Variants in CACNA1B observed in about 807,000 individuals in gnomAD.
The protein encoded by CACNA1B is calcium voltage-gated channel subunit alpha1 B.
In CACNA1B, 70 loss-of-function variants were observed where a neutral mutation model predicts 247.2. The ratio of observed to expected loss-of-function variants is 0.28; its 90% CI spans 0.23 to 0.35. The LOEUF is 0.35. Ranked by LOEUF, CACNA1B falls within the 10% of genes least tolerant of loss-of-function variation. The pLI is 1.00. For synonymous variants in CACNA1B, 1,231 were observed against 1,294.4 expected, an observed-to-expected ratio of 0.95 and a Z score of 1.05; for missense variants, 2,367 against 3,197.4, an observed-to-expected ratio of 0.74 and a Z score of 6.26.
Position 137,950,681 on chromosome 9 carries a change from T to A in CACNA1B, c.967-1593T>A, listed in dbSNP as rs1265829006. Among the ~76,000 whole-genome samples, 1 of 152,164 alleles carries A rather than the reference T, an allele frequency of 6.6e-6. No homozygotes were observed. Among genetic ancestry groups the A allele is most frequent in the Non-Finnish European group, 1.5e-5 (1 of 68,028 alleles). The stretch of plus-strand genomic sequence containing the variant: ...TGGCTTTTGCTGGTACTTTTTTTGG[T>A]CGTCTGTGCCCCTTGGGCATTTCCA... On this transcript the variant is annotated intron_variant, in intron 6 of 46. Coordinates refer to ENST00000371372, the MANE Select transcript of CACNA1B (RefSeq NM_000718.4). The surrounding 1 kb of genome is among the most constrained non-coding windows in gnomAD (Gnocchi z 4.8).
In CACNA1B at chr9:138,124,565, A is replaced by G. The variant is rs1190343950; in HGVS notation, c.*2566A>G. 1.3e-5 allele frequency: 2 copies of G among 152,252 alleles called. No homozygotes were observed. The highest frequency in any genetic ancestry group is 2.9e-5 in the Non-Finnish European group (2 of 68,048). The allele number at this position is 152,252 out of a possible 1,614,324, so 9.4% of individuals were successfully genotyped here. On this transcript the variant is annotated 3_prime_UTR_variant, in exon 47 of 47. Coordinates refer to ENST00000371372, the MANE Select transcript of CACNA1B (RefSeq NM_000718.4). ...TGTTGTTTCTACAATGACATTTTGT[A>G]TGAAGCAAAGTCCTTGAATTAAAAT... is the stretch of plus-strand genomic sequence containing the variant.
intron 42 of CACNA1B, 75 bp downstream of exon 42, chr9:138,115,754 T>C (rs1195748746): frequency 6.8e-7 from 1 of 1,460,748 alleles, no homozygotes; most frequent in Non-Finnish European, 9.4e-7. Context: ...AGACATCCCA[T>C]TTCCTCAACC....
chr9:138,121,713 G>A lies in CACNA1B; in HGVS notation c.6734G>A (p.Ser2245Asn). 5 of 1,613,264 alleles carry A rather than the reference G, an allele frequency of 3.1e-6. No individual in the cohort carries two copies. Among genetic ancestry groups the A allele is most frequent in the Non-Finnish European group, 4.2e-6 (5 of 1,179,828 alleles). ...GCCCTGCTGCAGAGAGACCCCCTCA[G>A]CCAGCCCCTGGCCCCTGGCTCTCGA... Reference protein sequence around the residue: ...HNALLQRDPLSQPLAPGSRIG... With the variant: ...HNALLQRDPLNQPLAPGSRIG... Residue 2245 changes from serine (S) to asparagine (N), a missense_variant, in exon 47 of 47, where the codon AGC (serine) becomes AAC (asparagine). Physicochemically the swap from Ser to Asn is conservative, Grantham distance 46. This residue lies in a region of CACNA1B where 773 missense variants were observed against 779.4 expected (regional missense o/e 0.99). Coordinates refer to ENST00000371372, the MANE Select transcript of CACNA1B (RefSeq NM_000718.4). The surrounding 1 kb of genome is among the most constrained non-coding windows in gnomAD (Gnocchi z 6.8).
intron 42 of CACNA1B, among the ~76,000 whole-genome samples, chr9:138,117,564 A>G (rs1330793006): frequency 6.6e-6 from 1 of 152,206 alleles, no homozygotes; most frequent in Non-Finnish European, 1.5e-5. Context: ...CCTGTGTGGC[A>G]AGGACAACCC....
chr9:137,929,827 AAT>A (rs1330090642), intron 6 of CACNA1B, among the ~76,000 whole-genome samples: 1 of 151,692 alleles, frequency 6.6e-6, no homozygotes, highest in Non-Finnish European at 1.5e-5. Flanking sequence ...CTAATTTTTA[AAT>A]TTTTTGTAGA....
chr9:138,000,924 T>TC (rs1214045427), intron 15 of CACNA1B, among the ~76,000 whole-genome samples: 2 of 152,222 alleles, frequency 1.3e-5, no homozygotes, highest in Admixed American at 1.3e-4. Flanking sequence ...GTGCTTTTTT[T>TC]CCCTTGGTCA....
intron 36 of CACNA1B, among the ~76,000 whole-genome samples, chr9:138,087,003 A>G (rs948210229): frequency 2.0e-5 from 3 of 150,818 alleles, no homozygotes; most frequent in African/African-American, 7.4e-5. Context: ...AGAAATCAGT[A>G]ACAAGGGGAG....
At chr9:137,906,727 T>C (rs1036510776) in intron 3 of CACNA1B, among the ~76,000 whole-genome samples, 1 of 152,136 alleles carries the variant, frequency 6.6e-6, no homozygotes, top group Non-Finnish European at 1.5e-5. Flanking sequence ...ATGTGATGCA[T>C]TATTTAACAT....
intron 31 of CACNA1B, among the ~76,000 whole-genome samples, chr9:138,060,112 C>T (rs140869423): frequency 7.5e-4 from 114 of 152,114 alleles, no homozygotes; most frequent in African/African-American, 2.4e-3. Flanking sequence ...CAAAATATTG[C>T]CCCCCACCGT....
At position 138,023,810 on chromosome 9, in the gene CACNA1B, C is replaced by T; in HGVS notation, c.3067C>T (p.Arg1023Trp). 2 of 1,351,298 alleles carry T rather than the reference C, an allele frequency of 1.5e-6. No individual in the cohort carries two copies. The highest frequency in any genetic ancestry group is 2.1e-6 in the Non-Finnish European group (2 of 966,424). 83.7% of individuals were successfully genotyped at this position (1,351,298 alleles called of 1,614,324 possible). A position where few individuals can be genotyped will look rare whatever the true frequency, so the allele number is the denominator to read the frequency against. Residue 1023 changes from arginine (R) to tryptophan (W), a missense_variant and splice_region_variant, in exon 19 of 47, where the codon CGG (arginine) becomes TGG (tryptophan). Physicochemically the swap from Arg to Trp is moderately radical, Grantham distance 101 (BLOSUM62 -3). Coordinates refer to ENST00000371372, the MANE Select transcript of CACNA1B (RefSeq NM_000718.4). ...AAAGGAGCTCCGGAACCACCAGCCC[C>T]GGTGAGTCCGCGGCTGGGCGGGGTC... is the stretch of plus-strand genomic sequence containing the variant. ...KEKELRNHQPREPHCDLETSG... is the reference protein window; with the variant it reads ...KEKELRNHQPWEPHCDLETSG...
intron 6 of CACNA1B, among the ~76,000 whole-genome samples, chr9:137,944,381 A>G (rs535340056): frequency 1.3e-5 from 2 of 152,218 alleles, no homozygotes; most frequent in Admixed American, 6.5e-5. Context: ...TTACTGCCTT[A>G]TTCTCTTTCT....
rs774995589 is a variant in CACNA1B at position 137,918,850 on chromosome 9, C to T, written c.966+1419C>T. On this transcript the variant is annotated intron_variant, in intron 6 of 46. Coordinates refer to ENST00000371372, the MANE Select transcript of CACNA1B (RefSeq NM_000718.4). Reference sequence around the variant, plus strand: ...GGTCCATGTGAACCAGATTCCTCCTCGAGTGGGAGTCGTGTCTGATGACAG... The same window carrying T: ...GGTCCATGTGAACCAGATTCCTCCTTGAGTGGGAGTCGTGTCTGATGACAG... Among the ~76,000 whole-genome samples the T allele has an allele frequency of 2.0e-5, 3 of 152,210 alleles. No individual in the cohort carries two copies. In the South Asian group the frequency reaches 6.2e-4, roughly 32 times the overall value.
At chr9:137,898,806 C>G (rs1194380046) in intron 3 of CACNA1B, among the ~76,000 whole-genome samples, 1 of 151,952 alleles carries the variant, frequency 6.6e-6, no homozygotes, top group Non-Finnish European at 1.5e-5. Context: ...CTCAGTCTCC[C>G]AAGTAGCTGG....
intron 31 of CACNA1B, among the ~76,000 whole-genome samples, chr9:138,063,440 G>A (rs1007039588): frequency 6.6e-6 from 1 of 152,242 alleles, no homozygotes; most frequent in Non-Finnish European, 1.5e-5. Flanking sequence ...GCTGCAGTGA[G>A]CTATGATCGC....
chr9:138,022,101 T>C (rs898947440), intron 18 of CACNA1B, among the ~76,000 whole-genome samples: 1 of 152,098 alleles, frequency 6.6e-6, no homozygotes, highest in Non-Finnish European at 1.5e-5. Context: ...GCCCATGACA[T>C]TGGAGTAGGG....
At chr9:137,956,747 C>A (rs1303565115) in intron 8 of CACNA1B, 24 bp from the exon 9 acceptor site, 1 of 1,611,800 alleles carries the variant, frequency 6.2e-7, no homozygotes. Flanking sequence ...AGGGCTCTGA[C>A]CTGAGGCTGT....
chr9:138,064,237 G>A (rs2133517639), intron 31 of CACNA1B, among the ~76,000 whole-genome samples: 1 of 152,172 alleles, frequency 6.6e-6, no homozygotes, highest in African/African-American at 2.4e-5. Context: ...CCTTGGGGAG[G>A]GGCAGAGAAA....
At chr9:137,960,235 GGA>G (rs1338321102) in intron 10 of CACNA1B, among the ~76,000 whole-genome samples, 3 of 20,564 alleles carry the variant, frequency 1.5e-4, no homozygotes, top group African/African-American at 4.6e-4. Context: ...AGGGAAGCCG[GGA>G]GAGGGGAGTT....
At chr9:137,991,708 G>C (rs1958433605) in intron 15 of CACNA1B, among the ~76,000 whole-genome samples, 1 of 152,138 alleles carries the variant, frequency 6.6e-6, no homozygotes, top group African/African-American at 2.4e-5. Flanking sequence ...ACCTATAAAG[G>C]AAAACCTATC....
Sources: allele counts gnomAD v4.1 joint callset (sites outside exome capture counted in the v4.1 genomes callset), GRCh38; gene constraint gnomAD v4.1.1; regional missense constraint gnomAD v4.1.1; non-coding constraint Gnocchi (gnomAD v3.1); transcripts MANE v1.5; gene names NCBI Gene and HGNC (gene_info 2026-07-23, HGNC 2026-07-21).